The following AKT3 variants were observed in gnomAD, a reference collection of about 807,000 sequenced individuals.
AKT3 encodes the protein AKT serine/threonine kinase 3.
A neutral mutation model predicts 65.3 loss-of-function variants in AKT3; 15 were observed. The observed-to-expected ratio is 0.23, with a 90% CI of 0.15 to 0.35. The LOEUF (loss-of-function observed/expected upper bound fraction) is 0.35. Ranked by LOEUF, AKT3 falls within the 10% of genes least tolerant of loss-of-function variation. The pLI is 1.00. For synonymous variants in AKT3, 206 were observed against 183.8 expected (o/e 1.12, Z -0.98); for missense variants, 243 against 576.5 (o/e 0.42, Z 5.92).
chr1:243,596,656 A>G (rs1676637381), intron 8 of AKT3, among the ~76,000 whole-genome samples: 1 of 152,212 alleles, frequency 6.6e-6, no homozygotes, highest in Non-Finnish European at 1.5e-5. Context: ...AAATGACACA[A>G]CAGTTTTAAA....
At chr1:243,585,634 T>A (rs1322937053) in intron 8 of AKT3, among the ~76,000 whole-genome samples, 1 of 151,974 alleles carries the variant, frequency 6.6e-6, no homozygotes, top group African/African-American at 2.4e-5. Flanking sequence ...AAATAAGCAA[T>A]GGGGAAAGGA....
chr1:243,814,932 T>C (rs1693412512), intron 2 of AKT3, among the ~76,000 whole-genome samples: 3 of 152,188 alleles, frequency 2.0e-5, no homozygotes, highest in African/African-American at 7.2e-5. Context: ...AGCAGGTGTT[T>C]TGAGGCAACA....
At chr1:243,625,010 A>T (rs902534902) in intron 6 of AKT3, 2 of 365,924 alleles carry the variant, frequency 5.5e-6, no homozygotes, top group African/African-American at 2.1e-5. Context: ...TGTACTCATC[A>T]AAGTTCTGTC....
intron 3 of AKT3, 40 bp downstream of exon 3, chr1:243,695,551 A>G: frequency 6.6e-7 from 1 of 1,520,784 alleles, no homozygotes. Context: ...TCATAAAAAT[A>G]AATAAATACA....
intron 13 of AKT3, 51 bp downstream of exon 13, chr1:243,512,273 T>C: frequency 2.0e-6 from 2 of 1,016,362 alleles, no homozygotes; most frequent in East Asian, 2.5e-5. Context: ...TTCAATTACA[T>C]TAGGAGAAAT....
chr1:243,645,428 T>A (rs893508004), intron 5 of AKT3, among the ~76,000 whole-genome samples: 1 of 152,190 alleles, frequency 6.6e-6, no homozygotes, highest in Non-Finnish European at 1.5e-5. Flanking sequence ...AGCCATTAAA[T>A]AAGAGTTATT....
intron 3 of AKT3, among the ~76,000 whole-genome samples, chr1:243,691,934 A>G (rs1456931833): frequency 6.6e-6 from 1 of 152,228 alleles, no homozygotes; most frequent in Non-Finnish European, 1.5e-5. Context: ...GTTAAATACC[A>G]GAACTGTGCA....
Position 243,637,746 on chromosome 1 carries a change from A to G in AKT3, c.430-4T>C. ...AATAGTCAAAATCATTCATTGTCTG[A>G]AAAATACAAATTAAAAAATATAATA... On this transcript the variant is annotated splice_polypyrimidine_tract_variant and splice_region_variant and intron_variant, in intron 5 of 13. Transcript: ENST00000673466. The G allele has an allele frequency of 6.6e-7, 1 of 1,510,008 alleles. No individual in the cohort carries two copies. The highest frequency in any genetic ancestry group is 9.1e-7 in the Non-Finnish European group (1 of 1,097,216). 93.5% of individuals were successfully genotyped at this position (1,510,008 alleles called of 1,614,324 possible). A position where few individuals can be genotyped will look rare whatever the true frequency, so the allele number is the denominator to read the frequency against.
chr1:243,695,073 T>C (rs1423137589), intron 3 of AKT3, among the ~76,000 whole-genome samples: 1 of 151,970 alleles, frequency 6.6e-6, no homozygotes, highest in African/African-American at 2.4e-5. Flanking sequence ...GCTATGTTCA[T>C]GCAAATACAA....
At chr1:243,836,445 A>G (rs1445551836) in intron 2 of AKT3, among the ~76,000 whole-genome samples, 1 of 152,112 alleles carries the variant, frequency 6.6e-6, no homozygotes, top group South Asian at 2.1e-4. Flanking sequence ...GCTGGAGACT[A>G]TAACACTGAG....
intron 2 of AKT3, among the ~76,000 whole-genome samples, chr1:243,766,247 C>T (rs1034533734): frequency 6.6e-6 from 1 of 152,086 alleles, no homozygotes; most frequent in Non-Finnish European, 1.5e-5. Context: ...TGAGGAGGGG[C>T]ATCCATTCAT....
intron 2 of AKT3, among the ~76,000 whole-genome samples, chr1:243,816,044 A>G (rs1693499975): frequency 6.6e-6 from 1 of 152,198 alleles, no homozygotes; most frequent in African/African-American, 2.4e-5. Flanking sequence ...AGGGTCTGTC[A>G]TGAAATTGCA....
intron 2 of AKT3, among the ~76,000 whole-genome samples, chr1:243,815,884 T>G (rs765500464): frequency 5.3e-5 from 8 of 152,096 alleles, no homozygotes; most frequent in Non-Finnish European, 1.0e-4. Context: ...CCCAAAGTGC[T>G]GGGATTACAG....
intron 12 of AKT3, among the ~76,000 whole-genome samples, chr1:243,543,016 C>T (rs1672422010): frequency 6.6e-6 from 1 of 152,072 alleles, no homozygotes; most frequent in Non-Finnish European, 1.5e-5. Context: ...AGATATTTAA[C>T]ACCTTTGCTC....
intron 12 of AKT3, among the ~76,000 whole-genome samples, chr1:243,525,052 A>T (rs1396587407): frequency 1.3e-5 from 2 of 152,158 alleles, no homozygotes; most frequent in Non-Finnish European, 2.9e-5. Flanking sequence ...CTTTTAAGTG[A>T]AGGAGGTGAA....
intron 2 of AKT3, among the ~76,000 whole-genome samples, chr1:243,719,314 CTT>C (rs1181726601): frequency 6.6e-5 from 10 of 152,304 alleles, no homozygotes; most frequent in African/African-American, 2.2e-4. Context: ...TCTCTGCTAA[CTT>C]TAAGTTTTTT....
chr1:243,533,926 C>G (rs1287673129), intron 12 of AKT3, among the ~76,000 whole-genome samples: 1 of 152,110 alleles, frequency 6.6e-6, no homozygotes, highest in Non-Finnish European at 1.5e-5. Flanking sequence ...GGAGGCGGAG[C>G]TTGCAGTGAG....
At chr1:243,702,512 T>C (rs1322480715) in intron 2 of AKT3, among the ~76,000 whole-genome samples, 1 of 152,196 alleles carries the variant, frequency 6.6e-6, no homozygotes, top group Non-Finnish European at 1.5e-5. Context: ...CTTAGAACAT[T>C]ACCTGACATA....
chr1:243,707,100 G>T (rs1259475705), intron 2 of AKT3, among the ~76,000 whole-genome samples: 1 of 152,128 alleles, frequency 6.6e-6, no homozygotes, highest in Non-Finnish European at 1.5e-5. Flanking sequence ...CTAGCTCACT[G>T]CAAGCATTAT....
Sources: allele counts gnomAD v4.1 joint callset (sites outside exome capture counted in the v4.1 genomes callset), GRCh38; gene constraint gnomAD v4.1.1; transcripts MANE v1.5; gene names NCBI Gene and HGNC (gene_info 2026-07-23, HGNC 2026-07-21).